NIPBL: variants seen among roughly 807,000 people sequenced by gnomAD.
NIPBL encodes NIPBL cohesin loading factor, also known as nipped-B-like protein.
A neutral mutation model predicts 321.8 loss-of-function variants in NIPBL; 19 were observed. The observed-to-expected ratio is 0.06, with a 90% CI of 0.04 to 0.09. The LOEUF (loss-of-function observed/expected upper bound fraction) is 0.09, where lower values mean the gene tolerates loss of function less well. Among genes scored for constraint, NIPBL ranks in the 10% least tolerant of loss-of-function variants. The pLI, the probability that NIPBL is intolerant of heterozygous loss-of-function variation, is 1.00. For synonymous variants in NIPBL, 1,106 were observed against 1,114.1 expected (o/e 0.99, Z 0.14); for missense variants, 2,210 against 3,327.0 (o/e 0.66, Z 8.26).
chr5:37,045,375 G>A, intron 36 of NIPBL, 68 bp from the exon 37 acceptor site: 1 of 1,222,902 alleles, frequency 8.2e-7, no homozygotes, highest in South Asian at 1.3e-5. Context: ...TAATTCATTA[G>A]TAGTAATTAC....
chr5:37,023,816 G>A (rs1224255626), intron 29 of NIPBL, among the ~76,000 whole-genome samples: 1 of 135,448 alleles, frequency 7.4e-6, no homozygotes, highest in Non-Finnish European at 1.5e-5. Context: ...GGCCTGATCG[G>A]TTTTGTTATC....
intron 32 of NIPBL, among the ~76,000 whole-genome samples, chr5:37,029,478 T>C (rs1347903504): frequency 6.6e-6 from 1 of 152,218 alleles, no homozygotes; most frequent in African/African-American, 2.4e-5. Flanking sequence ...TTTTGTGGAC[T>C]TTGGGGTTCT....
In NIPBL at chr5:37,014,760, TA is replaced by T; in HGVS notation, c.4643del (p.Lys1548AsnfsTer41). The T allele has an allele frequency of 6.3e-7, 1 of 1,574,966 alleles. No homozygotes were observed. Among genetic ancestry groups the T allele is most frequent in the Non-Finnish European group, 8.7e-7 (1 of 1,144,452 alleles). On this transcript the variant is annotated frameshift_variant, in exon 22 of 47. Coordinates refer to ENST00000282516, the MANE Select transcript of NIPBL (RefSeq NM_133433.4). LOFTEE classifies it high-confidence loss of function. The stretch of plus-strand genomic sequence containing the variant: ...CCCAAAACTTCCTCTCCATCTTCCT[TA>T]AAAAGTGAGTAAAATTAATATAAAT... ...TAQNFLSIFL[K>X]KCGSKQGEED...
chr5:36,904,188 G>C (rs545965737), intron 1 of NIPBL, among the ~76,000 whole-genome samples: 7 of 152,322 alleles, frequency 4.6e-5, no homozygotes, highest in African/African-American at 1.7e-4. Context: ...TTTAAAAACT[G>C]GGCCGGGTGC....
intron 45 of NIPBL, among the ~76,000 whole-genome samples, chr5:37,063,471 G>A (rs996919098): frequency 1.3e-5 from 2 of 152,180 alleles, no homozygotes; most frequent in African/African-American, 4.8e-5. Context: ...AACTCTGGCT[G>A]TTTTTGTATC....
At chr5:36,881,370 G>A (rs367995731) in intron 1 of NIPBL, among the ~76,000 whole-genome samples, 2 of 151,666 alleles carry the variant, frequency 1.3e-5, no homozygotes, top group East Asian at 3.9e-4. Context: ...ATGTTTTAAG[G>A]CATATTTTTT....
rs756257801 is a variant in NIPBL at position 36,976,346 on chromosome 5, T to C, written c.1439T>C (p.Ile480Thr). 6.2e-7 allele frequency: 1 copy of C among 1,612,504 alleles called. No homozygotes were observed. Among genetic ancestry groups the C allele is most frequent in the Non-Finnish European group, 8.5e-7 (1 of 1,179,834 alleles). Residue 480 changes from isoleucine (I) to threonine (T), a missense_variant, in exon 9 of 47, where the codon ATA (isoleucine) becomes ACA (threonine). By Grantham distance (89) the Ile-to-Thr change is moderately conservative (BLOSUM62 -1). Around this residue, in one of 14 missense-constraint regions of NIPBL, gnomAD observed 464 missense variants for 529.5 expected, o/e 0.88. Coordinates refer to ENST00000282516, the MANE Select transcript of NIPBL (RefSeq NM_133433.4). ...ELDALAEIERIERESAIERER... is the reference protein window; with the variant it reads ...ELDALAEIERTERESAIERER... ...GATGCATTGGCTGAAATTGAGCGAA[T>C]AGAGAGAGAATCAGCTATTGAAAGG...
chr5:36,914,374 T>A (rs1748291607), intron 1 of NIPBL, among the ~76,000 whole-genome samples: 1 of 151,948 alleles, frequency 6.6e-6, no homozygotes, highest in African/African-American at 2.4e-5. Context: ...TAAAAAAGTG[T>A]TACAGGCCGA....
chr5:36,990,643 A>T (rs551219872), intron 10 of NIPBL, among the ~76,000 whole-genome samples: 271 of 152,320 alleles, frequency 1.8e-3, no homozygotes, highest in African/African-American at 6.3e-3. Context: ...CATAATCTGT[A>T]TCTAGCTCTT....
rs747296657 is a variant in NIPBL, at chr5:36,985,028, T to C, written c.1848T>C (p.Ser616=). The C allele has an allele frequency of 2.5e-6, 4 of 1,613,512 alleles. No individual in the cohort carries two copies. The highest frequency in any genetic ancestry group is 3.4e-6 in the Non-Finnish European group (4 of 1,179,860). Residue 616 remains serine (S), a synonymous_variant, in exon 10 of 47, where the codon AGT becomes AGC. Transcript: ENST00000282516. ...PELSKSEMKQ[S]ESRLAESKPN... Reference sequence around the variant, plus strand: ...TTTCAAAGAGTGAAATGAAACAAAGTGAAAGTAGATTAGCAGAATCTAAAC... The same window carrying C: ...TTTCAAAGAGTGAAATGAAACAAAGCGAAAGTAGATTAGCAGAATCTAAAC...
intron 10 of NIPBL, among the ~76,000 whole-genome samples, chr5:36,992,786 A>G (rs1172545678): frequency 6.6e-6 from 1 of 151,274 alleles, no homozygotes; most frequent in Non-Finnish European, 1.5e-5. Flanking sequence ...TGTGTTGCCC[A>G]GGCTGGAGTG....
chr5:36,936,700 C>G (rs754315670), intron 1 of NIPBL, among the ~76,000 whole-genome samples: 1 of 152,080 alleles, frequency 6.6e-6, no homozygotes, highest in Non-Finnish European at 1.5e-5. Flanking sequence ...TGACTACTTT[C>G]AAGTTTATCT....
intron 21 of NIPBL, among the ~76,000 whole-genome samples, chr5:37,012,982 A>T (rs1340487321): frequency 6.6e-6 from 1 of 152,140 alleles, no homozygotes; most frequent in Non-Finnish European, 1.5e-5. Context: ...GCTGTTGGGT[A>T]CACTTCCCAG....
intron 1 of NIPBL, among the ~76,000 whole-genome samples, chr5:36,910,739 A>T (rs1000365741): frequency 6.6e-5 from 10 of 152,262 alleles, no homozygotes; most frequent in African/African-American, 2.2e-4. Context: ...ATAGGAGCTG[A>T]TACTATTGTG....
chr5:36,902,178 T>C (rs1747286346), intron 1 of NIPBL, among the ~76,000 whole-genome samples: 1 of 152,092 alleles, frequency 6.6e-6, no homozygotes, highest in Non-Finnish European at 1.5e-5. Context: ...GGATGTATCG[T>C]TTGCAAACAT....
At chr5:36,951,166 A>G (rs1740243416) in intron 1 of NIPBL, among the ~76,000 whole-genome samples, 1 of 152,146 alleles carries the variant, frequency 6.6e-6, no homozygotes, top group Non-Finnish European at 1.5e-5. Flanking sequence ...GTCACTGTGA[A>G]AAGCACAATC....
chr5:36,943,091 A>G (rs756556437), intron 1 of NIPBL, among the ~76,000 whole-genome samples: 1 of 152,130 alleles, frequency 6.6e-6, no homozygotes, highest in Non-Finnish European at 1.5e-5. Flanking sequence ...TTTTTTCTCA[A>G]ATATTTTCAG....
Position 37,020,320 on chromosome 5 carries a change from A to T in NIPBL, c.5011-139A>T, listed in dbSNP as rs139681651. The T allele has an allele frequency of 3.5e-5, 24 of 676,182 alleles. No individual in the cohort carries two copies. The African/African-American group carries it at 3.8e-4, about 11-fold the overall frequency. The allele number at this position is 676,182 out of a possible 1,614,324, so 41.9% of individuals were successfully genotyped here. A position where few individuals can be genotyped will look rare whatever the true frequency, so the allele number is the denominator to read the frequency against. On this transcript the variant is annotated intron_variant, in intron 25 of 46. Coordinates refer to ENST00000282516, the MANE Select transcript of NIPBL (RefSeq NM_133433.4). The stretch of plus-strand genomic sequence containing the variant: ...TTCTATATTTTCTGGCTTTCTTAAA[A>T]TCTGTTTTTATCACATGGAAGTTGT...
intron 20 of NIPBL, among the ~76,000 whole-genome samples, 193 bp downstream of exon 20, chr5:37,008,916 C>G (rs927967956): frequency 1.3e-5 from 2 of 152,136 alleles, no homozygotes; most frequent in East Asian, 3.8e-4. Flanking sequence ...TTCACTGATT[C>G]TCAAGGGTAA....
Sources: allele counts gnomAD v4.1 joint callset (sites outside exome capture counted in the v4.1 genomes callset), GRCh38; gene constraint gnomAD v4.1.1; regional missense constraint gnomAD v4.1.1; transcripts MANE v1.5; gene names NCBI Gene and HGNC (gene_info 2026-07-23, HGNC 2026-07-21).